REEP5: variants seen among roughly 807,000 people sequenced by gnomAD.
The protein encoded by REEP5 is receptor expression-enhancing protein 5.
In REEP5, 24 loss-of-function variants were observed where a neutral mutation model predicts 22.4. The ratio of observed to expected loss-of-function variants is 1.07; its 90% CI spans 0.78 to 1.51. The LOEUF (loss-of-function observed/expected upper bound fraction) is 1.51. Ranked by LOEUF, REEP5 falls within the 40% of genes most tolerant of loss-of-function variation. REEP5 has a pLI of 0.00. For synonymous variants in REEP5, 103 were observed against 88.6 expected, an observed-to-expected ratio of 1.16 and a Z score of -0.92; for missense variants, 252 against 233.0, an observed-to-expected ratio of 1.08 and a Z score of -0.53.
intron 3 of REEP5, chr5:112,895,707 A>C (rs1168233068): frequency 6.6e-6 from 1 of 152,214 alleles, no homozygotes; most frequent in Non-Finnish European, 1.5e-5. Context: ...TCAACTCCCA[A>C]GGTGATATTC....
chr5:112,916,769 T>C (rs1188855093), intron 2 of REEP5, among the ~76,000 whole-genome samples: 4 of 152,234 alleles, frequency 2.6e-5, no homozygotes, highest in Admixed American at 2.6e-4. Context: ...TGGATTTAAA[T>C]ACCAGTTTCA....
At chr5:112,902,019 C>T (rs953427526) in intron 3 of REEP5, among the ~76,000 whole-genome samples, 2 of 151,016 alleles carry the variant, frequency 1.3e-5, no homozygotes, top group African/African-American at 2.4e-5. Flanking sequence ...ATTATATATC[C>T]ATAATTAACC....
intron 3 of REEP5, among the ~76,000 whole-genome samples, chr5:112,898,985 A>AT (rs1401463568): frequency 6.6e-6 from 1 of 152,176 alleles, no homozygotes; most frequent in Admixed American, 6.5e-5. Context: ...TTTTCATTTA[A>AT]TTTTTTAAAC....
intron 2 of REEP5, among the ~76,000 whole-genome samples, chr5:112,919,404 C>G (rs1384383155): frequency 6.6e-6 from 1 of 151,068 alleles, no homozygotes; most frequent in South Asian, 2.1e-4. Context: ...TAAAATTACT[C>G]AGGCGTGGTG....
chr5:112,907,821 G>C (rs906516142), intron 2 of REEP5, among the ~76,000 whole-genome samples: 1 of 152,122 alleles, frequency 6.6e-6, no homozygotes, highest in African/African-American at 2.4e-5. Context: ...CCTTTAAAAA[G>C]GGTATTGACA....
rs745950980 is a variant in REEP5, at chr5:112,878,739, C to G, written c.*47G>C. 5 of 1,610,028 alleles carry G rather than the reference C, an allele frequency of 3.1e-6. No homozygotes were observed. In the South Asian group the frequency reaches 4.4e-5, roughly 14 times the overall value. On this transcript the variant is annotated 3_prime_UTR_variant, in exon 5 of 5. Coordinates refer to ENST00000379638, the MANE Select transcript of REEP5 (RefSeq NM_005669.5). Reference sequence around the variant, plus strand: ...ACAGTCCCTAATATAACATCAAGCTCCAGTAGGAAGGTACAGAGAGGGCAG... The same window carrying G: ...ACAGTCCCTAATATAACATCAAGCTGCAGTAGGAAGGTACAGAGAGGGCAG...
At position 112,878,289 on chromosome 5, in the gene REEP5, C is replaced by G. The variant is rs969283434; in HGVS notation, c.*497G>C. 6.5e-6 allele frequency: 1 copy of G among 154,894 alleles called. No individual in the cohort carries two copies. Among genetic ancestry groups the G allele is most frequent in the Non-Finnish European group, 1.4e-5 (1 of 69,546 alleles). 9.6% of individuals were successfully genotyped at this position (154,894 alleles called of 1,614,324 possible). The stretch of plus-strand genomic sequence containing the variant: ...TGACACATACAACCTTCCCCTGCTC[C>G]CTCCCCATGAGCATGATGCATGTTG... On this transcript the variant is annotated 3_prime_UTR_variant, in exon 5 of 5. Coordinates refer to ENST00000379638, the MANE Select transcript of REEP5 (RefSeq NM_005669.5).
intron 4 of REEP5, among the ~76,000 whole-genome samples, chr5:112,881,373 C>T (rs1768070585): frequency 2.0e-5 from 3 of 152,164 alleles, no homozygotes; most frequent in African/African-American, 7.2e-5. Flanking sequence ...ACTCCCATGT[C>T]TAACTACCAC....
chr5:112,892,822 A>C, intron 3 of REEP5: 2 of 1,613,930 alleles, frequency 1.2e-6, no homozygotes, highest in Non-Finnish European at 1.7e-6. Context: ...CCACACCTAC[A>C]AAAGAAATGG....
At position 112,887,014 on chromosome 5, in the gene REEP5, C is replaced by A; in HGVS notation, c.520+1G>T. On this transcript the variant is annotated splice_donor_variant, in intron 4 of 4. Coordinates refer to ENST00000379638, the MANE Select transcript of REEP5 (RefSeq NM_005669.5). LOFTEE classifies it high-confidence loss of function. ...GGGGCCATCTTGTTCCTGAGTCTTA[C>A]CTTCTTTAGTGATGGCATCTGCAGT... The A allele has an allele frequency of 1.3e-6, 2 of 1,597,102 alleles. No homozygotes were observed. The highest frequency in any genetic ancestry group is 1.7e-6 in the Non-Finnish European group (2 of 1,166,908).
In REEP5 at chr5:112,902,248, T is replaced by G. The variant is rs560464152; in HGVS notation, c.351+132A>C. 1.1e-4 allele frequency: 101 copies of G among 948,344 alleles called. No homozygotes were observed. The African/African-American group carries it at 1.7e-3, about 16-fold the overall frequency. 58.7% of individuals were successfully genotyped at this position (948,344 alleles called of 1,614,324 possible). A position where few individuals can be genotyped will look rare whatever the true frequency, so the allele number is the denominator to read the frequency against. Reference sequence around the variant, plus strand: ...TGTTTTTTTTGAGACAGAGTCTCGCTCTGTTGCCCAGGCCTGTCTTCTTGT... The same window carrying G: ...TGTTTTTTTTGAGACAGAGTCTCGCGCTGTTGCCCAGGCCTGTCTTCTTGT... On this transcript the variant is annotated intron_variant, in intron 3 of 4. Coordinates refer to ENST00000379638, the MANE Select transcript of REEP5 (RefSeq NM_005669.5).
intron 2 of REEP5, among the ~76,000 whole-genome samples, chr5:112,909,988 T>C (rs1035973345): frequency 2.0e-5 from 3 of 152,166 alleles, no homozygotes; most frequent in Non-Finnish European, 4.4e-5. Flanking sequence ...GATGTGTCAA[T>C]GTATGTTCAC....
At chr5:112,907,263 G>A (rs905262520) in intron 2 of REEP5, among the ~76,000 whole-genome samples, 5 of 152,052 alleles carry the variant, frequency 3.3e-5, no homozygotes, top group Non-Finnish European at 5.9e-5. Context: ...CTCTAGTACC[G>A]CCTCATCCTC....
chr5:112,909,449 T>C (rs1433718591), intron 2 of REEP5, among the ~76,000 whole-genome samples: 1 of 151,896 alleles, frequency 6.6e-6, no homozygotes, highest in Non-Finnish European at 1.5e-5. Context: ...AGGGTTTATA[T>C]GGCTAATAAG....
intron 4 of REEP5, among the ~76,000 whole-genome samples, chr5:112,881,493 T>C (rs1288458225): frequency 6.6e-6 from 1 of 152,202 alleles, no homozygotes; most frequent in Non-Finnish European, 1.5e-5. Flanking sequence ...CTCCGAATGT[T>C]TCCTTTACCT....
At chr5:112,916,047 G>C (rs562915811) in intron 2 of REEP5, among the ~76,000 whole-genome samples, 1 of 152,226 alleles carries the variant, frequency 6.6e-6, no homozygotes, top group East Asian at 1.9e-4. Context: ...TTCACACCAC[G>C]GTGACTTTCT....
chr5:112,891,842 T>C lies in REEP5; in HGVS notation c.352-4659A>G, dbSNP rs774419365. The C allele has an allele frequency of 5.8e-6, 9 of 1,553,958 alleles. No homozygotes were observed. In the South Asian group the frequency reaches 1.0e-4, roughly 17 times the overall value. ...GAACAACAACTAGAAGAAGAGAAGC[T>C]ATTGGAAAGAGAGAGGGAAAGATTA... is the stretch of plus-strand genomic sequence containing the variant. On this transcript the variant is annotated intron_variant, in intron 3 of 4. Coordinates refer to ENST00000379638, the MANE Select transcript of REEP5 (RefSeq NM_005669.5).
rs1301220142 is a variant in REEP5 at position 112,902,057 on chromosome 5, T to A, written c.351+323A>T. ...AACTAAAACTCAAGATACTACCATT[T>A]ATGATGGTGGTTGGAGTGATGGAGC... On this transcript the variant is annotated intron_variant, in intron 3 of 4. Transcript: ENST00000379638. Among the ~76,000 whole-genome samples, 3 of 152,182 alleles carry A rather than the reference T, an allele frequency of 2.0e-5. No individual in the cohort carries two copies. In the East Asian group the frequency reaches 5.8e-4, roughly 29 times the overall value.
Position 112,877,981 on chromosome 5 carries a change from C to CTGTGTGTGTGTGTG in REEP5, c.*791_*804dup, listed in dbSNP as rs60109818. ...AGGGAATTGAGAGTTACAGGTTACT[C>CTGTGTGTGTGTGTG]TGTGTGTGTGTGTGTGTGTGTGTGT... On this transcript the variant is annotated 3_prime_UTR_variant, in exon 5 of 5. Transcript: ENST00000379638. The CTGTGTGTGTGTGTG allele has an allele frequency of 2.2e-4, 32 of 147,644 alleles. No homozygotes were observed. Among genetic ancestry groups the CTGTGTGTGTGTGTG allele is most frequent in the East Asian group, 6.0e-4 (3 of 4,984 alleles). 9.1% of individuals were successfully genotyped at this position (147,644 alleles called of 1,614,324 possible).
Sources: allele counts gnomAD v4.1 joint callset (sites outside exome capture counted in the v4.1 genomes callset), GRCh38; gene constraint gnomAD v4.1.1; transcripts MANE v1.5; gene names NCBI Gene and HGNC (gene_info 2026-07-23, HGNC 2026-07-21).